Variants in BCAT1 observed in about 807,000 individuals in gnomAD.
BCAT1 encodes the protein branched chain amino acid transaminase 1.
A neutral mutation model predicts 52.4 loss-of-function variants in BCAT1; 48 were observed. The observed-to-expected ratio is 0.92, with a 90% CI of 0.73 to 1.16. The LOEUF (loss-of-function observed/expected upper bound fraction) is 1.16. Among genes scored for constraint, BCAT1 ranks in the 50% most tolerant of loss-of-function variants. BCAT1 has a pLI of 0.00. For missense variants in BCAT1, 451 were observed against 457.1 expected (o/e 0.99, Z 0.12); for synonymous variants, 167 against 161.3 (o/e 1.04, Z -0.27).
intron 1 of BCAT1, chr12:24,902,893 C>G (rs554170690): frequency 1.8e-5 from 27 of 1,515,444 alleles, no homozygotes; most frequent in African/African-American, 2.8e-5. Flanking sequence ...CGCGAGCTAC[C>G]GAGACCCGGG....
chr12:24,907,499 C>T (rs1002582988), intron 1 of BCAT1, among the ~76,000 whole-genome samples: 2 of 152,168 alleles, frequency 1.3e-5, no homozygotes, highest in South Asian at 4.1e-4. Context: ...GTGAAAATAG[C>T]AGGTTCCTGC....
At chr12:24,934,698 G>A (rs1943727309) in intron 1 of BCAT1, among the ~76,000 whole-genome samples, 1 of 152,056 alleles carries the variant, frequency 6.6e-6, no homozygotes, top group African/African-American at 2.4e-5. Context: ...GACTATAGGT[G>A]CACACCACCA....
chr12:24,870,381 G>T lies in BCAT1; in HGVS notation c.510+8149C>A, dbSNP rs367998315. Among the ~76,000 whole-genome samples the T allele has an allele frequency of 3.9e-5, 6 of 152,162 alleles. No individual in the cohort carries two copies. The South Asian group carries it at 1.0e-3, about 26-fold the overall frequency. On this transcript the variant is annotated intron_variant, in intron 5 of 10. Transcript: ENST00000261192. ...GCAAGAAAGCTGATAGCTCAGAAAAGAAAAAAGTAGAGATGAAAGTAGACA... is the reference window on the plus strand; with the variant it reads ...GCAAGAAAGCTGATAGCTCAGAAAATAAAAAAGTAGAGATGAAAGTAGACA...
chr12:24,821,720 ACGATT>A (rs1940138148), intron 10 of BCAT1, among the ~76,000 whole-genome samples: 1 of 152,200 alleles, frequency 6.6e-6, no homozygotes. Flanking sequence ...AAGAGAGTGA[ACGATT>A]CAAACAGCCC....
intron 1 of BCAT1, among the ~76,000 whole-genome samples, chr12:24,934,153 G>A (rs118180084): frequency 0.041 from 6,186 of 152,210 alleles, 174 homozygotes; most frequent in Non-Finnish European, 0.055. Context: ...AAGGACTCCC[G>A]TACCCTCACT....
chr12:24,901,709 G>C, intron 2 of BCAT1, 105 bp downstream of exon 2: 1 of 1,195,064 alleles, frequency 8.4e-7, no homozygotes, highest in African/African-American at 1.5e-5. Flanking sequence ...CACAACCTAG[G>C]AACTGGGTAA....
chr12:24,818,497 C>G (rs1157241640), intron 10 of BCAT1, among the ~76,000 whole-genome samples: 1 of 152,146 alleles, frequency 6.6e-6, no homozygotes, highest in Non-Finnish European at 1.5e-5. Context: ...GTTAAAAATG[C>G]AAATTCCCAG....
At chr12:24,903,289 C>T (rs1324637576) in intron 1 of BCAT1, 2 of 396,582 alleles carry the variant, frequency 5.0e-6, no homozygotes, top group Non-Finnish European at 8.5e-6. Flanking sequence ...GAACGAGCGC[C>T]TTTCCAAGCG....
intron 3 of BCAT1, among the ~76,000 whole-genome samples, chr12:24,887,061 T>TAAAAATAAAAAA (rs1207898454): frequency 0.011 from 84 of 7,580 alleles, 5 homozygotes; most frequent in Non-Finnish European, 0.015. Context: ...AGATGCTAGC[T>TAAAAATAAAAAA]AAAAAAAAAA....
In BCAT1 at chr12:24,947,599, C is replaced by G. The variant is rs551942828; in HGVS notation, c.6+1328G>C. Among the ~76,000 whole-genome samples, 13 of 152,254 alleles carry G rather than the reference C, an allele frequency of 8.5e-5. 1 individual carries two copies. The highest frequency in any genetic ancestry group is 3.1e-4 in the African/African-American group (13 of 41,558). On this transcript the variant is annotated intron_variant, in intron 1 of 10. Transcript: ENST00000261192. The stretch of plus-strand genomic sequence containing the variant: ...AGAATACAATCATTTCTTTCTTAAT[C>G]TTAGGAAATATCAGGAAACAGAAAA...
intron 5 of BCAT1, among the ~76,000 whole-genome samples, chr12:24,857,522 T>C (rs937762541): frequency 1.3e-5 from 2 of 152,224 alleles, no homozygotes; most frequent in Non-Finnish European, 2.9e-5. Context: ...ATTGATTTTT[T>C]TCTAGATAAA....
chr12:24,925,672 C>T (rs1943567149), intron 1 of BCAT1, among the ~76,000 whole-genome samples: 1 of 152,154 alleles, frequency 6.6e-6, no homozygotes, highest in Non-Finnish European at 1.5e-5. Flanking sequence ...GCCATCTCTG[C>T]TCACTGCAAC....
Position 24,845,047 on chromosome 12 carries a change from T to G in BCAT1, c.675-2823A>C, listed in dbSNP as rs146276292. 7.5e-3 allele frequency among the ~76,000 whole-genome samples: 1,135 copies of G among 151,378 alleles called. 9 individuals carry two copies. The highest frequency in any genetic ancestry group is 0.027 in the African/African-American group (1,100 of 41,190). On this transcript the variant is annotated intron_variant, in intron 6 of 10. Transcript: ENST00000261192. ...GGCTAACATGGTGAAACCCTGTCTC[T>G]ACCAAAAATATAAAAAACTAGCTGG...
At chr12:24,870,733 A>C (rs1336855544) in intron 5 of BCAT1, among the ~76,000 whole-genome samples, 1 of 152,216 alleles carries the variant, frequency 6.6e-6, no homozygotes, top group African/African-American at 2.4e-5. Flanking sequence ...ACCTGCTCAC[A>C]AGATTGTTAT....
At chr12:24,821,253 A>AT (rs1385684351) in intron 10 of BCAT1, among the ~76,000 whole-genome samples, 3 of 152,162 alleles carry the variant, frequency 2.0e-5, no homozygotes, top group Admixed American at 6.5e-5. Flanking sequence ...GAGAACATAG[A>AT]TTTTTTTAAT....
At chr12:24,935,554 T>C (rs1322182310) in intron 1 of BCAT1, among the ~76,000 whole-genome samples, 3 of 152,186 alleles carry the variant, frequency 2.0e-5, no homozygotes, top group Non-Finnish European at 2.9e-5. Context: ...GAGCACACTT[T>C]CCTGACAATG....
At chr12:24,819,089 G>T (rs1940000808) in intron 10 of BCAT1, among the ~76,000 whole-genome samples, 1 of 152,022 alleles carries the variant, frequency 6.6e-6, no homozygotes, top group Non-Finnish European at 1.5e-5. Flanking sequence ...GCTCAAGTTT[G>T]CAGTTAACAG....
chr12:24,826,419 C>A (rs757272972), intron 10 of BCAT1, among the ~76,000 whole-genome samples: 4 of 152,146 alleles, frequency 2.6e-5, no homozygotes, highest in Admixed American at 2.0e-4. Flanking sequence ...GTTCTTGGCA[C>A]CTTTGTCAAA....
intron 3 of BCAT1, among the ~76,000 whole-genome samples, chr12:24,892,423 C>T (rs927214376): frequency 2.3e-4 from 35 of 152,124 alleles, no homozygotes; most frequent in African/African-American, 7.0e-4. Context: ...AAAATGTGGT[C>T]CCTGGAGCGA....
Sources: gnomAD v4.1 joint callset for allele counts (sites outside exome capture counted in the v4.1 genomes callset) on GRCh38, gnomAD v4.1.1 for gene constraint, MANE v1.5 for transcripts, NCBI Gene and HGNC (gene_info 2026-07-23, HGNC 2026-07-21) for gene names.